CTNNA3: variants seen among roughly 807,000 people sequenced by gnomAD.
CTNNA3 encodes the protein catenin alpha-3.
Under a neutral mutation model 95.7 loss-of-function variants are expected in CTNNA3, and 76 were observed. The ratio of observed to expected loss-of-function variants is 0.79; its 90% CI spans 0.66 to 0.96. The LOEUF (loss-of-function observed/expected upper bound fraction) is 0.96. Among genes scored for constraint, CTNNA3 ranks in the 40% least tolerant of loss-of-function variants. CTNNA3 has a pLI of 0.00. For missense variants in CTNNA3, 1,191 were observed against 1,089.8 expected, an observed-to-expected ratio of 1.09 and a Z score of -1.31; for synonymous variants, 431 against 374.4, an observed-to-expected ratio of 1.15 and a Z score of -1.74.
At chr10:67,018,322 TTGATTCC>T (rs1260371835) in intron 7 of CTNNA3, among the ~76,000 whole-genome samples, 5 of 152,206 alleles carry the variant, frequency 3.3e-5, no homozygotes, top group African/African-American at 1.2e-4. Context: ...CATTTCTGAT[TTGATTCC>T]TGATTCCTGA....
At chr10:67,319,279 T>C (rs1332526968) in intron 5 of CTNNA3, among the ~76,000 whole-genome samples, 1 of 152,194 alleles carries the variant, frequency 6.6e-6, no homozygotes, top group Non-Finnish European at 1.5e-5. Context: ...CCCTTTTCTC[T>C]TTGTGGATCT....
At chr10:66,288,198 C>A (rs2091622507) in intron 12 of CTNNA3, among the ~76,000 whole-genome samples, 1 of 152,006 alleles carries the variant, frequency 6.6e-6, no homozygotes, top group South Asian at 2.1e-4. Context: ...TATCTTCACA[C>A]ACATTTTTAA....
chr10:67,482,950 G>A (rs1848295483), intron 5 of CTNNA3, among the ~76,000 whole-genome samples: 1 of 152,070 alleles, frequency 6.6e-6, no homozygotes, highest in Non-Finnish European at 1.5e-5. Flanking sequence ...TCAAAAAGTG[G>A]GCGAAGGATA....
At chr10:66,728,474 C>T (rs975888114) in intron 9 of CTNNA3, among the ~76,000 whole-genome samples, 3 of 152,150 alleles carry the variant, frequency 2.0e-5, no homozygotes, top group Admixed American at 2.0e-4. Flanking sequence ...AATGCAATTG[C>T]TTTGGGTGTT....
intron 11 of CTNNA3, among the ~76,000 whole-genome samples, chr10:66,380,229 A>G (rs1369398493): frequency 6.6e-6 from 1 of 151,722 alleles, no homozygotes; most frequent in Non-Finnish European, 1.5e-5. Flanking sequence ...CTGCTTGTGT[A>G]TATGTGCTGA....
rs550444522 is a variant in CTNNA3 at position 66,382,731 on chromosome 10, T to A, written c.1532-3379A>T. 5.9e-5 allele frequency among the ~76,000 whole-genome samples: 9 copies of A among 152,240 alleles called. No individual in the cohort carries two copies. The East Asian group carries it at 1.7e-3, about 30-fold the overall frequency. On this transcript the variant is annotated intron_variant, in intron 11 of 17. Coordinates refer to ENST00000433211, the MANE Select transcript of CTNNA3 (RefSeq NM_013266.4). The stretch of plus-strand genomic sequence containing the variant: ...GCGGCTGCCCCTCTGGGATGAAGCT[T>A]CCAGAGGAAGGATCAGGCAGCAATA...
intron 7 of CTNNA3, among the ~76,000 whole-genome samples, chr10:66,920,970 C>T (rs924829924): frequency 6.6e-6 from 1 of 152,214 alleles, no homozygotes; most frequent in South Asian, 2.1e-4. Context: ...ATGGTGGCCT[C>T]GTTACTGTGT....
chr10:67,675,847 TTTAA>T (rs746099906), intron 1 of CTNNA3, among the ~76,000 whole-genome samples: 2 of 152,182 alleles, frequency 1.3e-5, no homozygotes, highest in Admixed American at 6.6e-5. Context: ...TTTTCAGTCT[TTTAA>T]TTAATTAATT....
intron 7 of CTNNA3, chr10:67,098,961 A>G (rs1359053052): frequency 2.0e-5 from 3 of 151,910 alleles, no homozygotes. Context: ...GTTGTGCACT[A>G]CATCATTTCT....
chr10:66,243,243 A>G (rs11819570), intron 13 of CTNNA3, among the ~76,000 whole-genome samples: 57,049 of 152,048 alleles, frequency 0.38, 11,144 homozygotes, highest in East Asian at 0.46. Flanking sequence ...TTTCTTCGAT[A>G]TATCTTTAAA....
chr10:66,557,840 A>AT (rs541655596), intron 10 of CTNNA3, among the ~76,000 whole-genome samples: 1 of 151,966 alleles, frequency 6.6e-6, no homozygotes, highest in Admixed American at 6.6e-5. Context: ...GATTAAAAAT[A>AT]TTTTTTACAT....
chr10:67,009,134 T>C (rs933190411), intron 7 of CTNNA3, among the ~76,000 whole-genome samples: 1 of 152,158 alleles, frequency 6.6e-6, no homozygotes, highest in African/African-American at 2.4e-5. Flanking sequence ...TTAATATTTA[T>C]TAACCTTACC....
chr10:66,051,080 T>G (rs1161793537), intron 15 of CTNNA3, among the ~76,000 whole-genome samples: 1 of 152,132 alleles, frequency 6.6e-6, no homozygotes, highest in Non-Finnish European at 1.5e-5. Flanking sequence ...CTCTCTTTGT[T>G]GCCCAGACTG....
intron 1 of CTNNA3, among the ~76,000 whole-genome samples, chr10:67,725,404 C>T (rs1423117792): frequency 6.6e-6 from 1 of 152,066 alleles, no homozygotes; most frequent in Admixed American, 6.6e-5. Flanking sequence ...GTCTCGATCT[C>T]CTGACCTCGT....
At chr10:66,730,431 C>A (rs1848922785) in intron 9 of CTNNA3, among the ~76,000 whole-genome samples, 1 of 152,142 alleles carries the variant, frequency 6.6e-6, no homozygotes, top group Non-Finnish European at 1.5e-5. Flanking sequence ...TTGGAGGGAA[C>A]AACACACACT....
At chr10:67,258,369 C>T (rs1163732015) in intron 5 of CTNNA3, among the ~76,000 whole-genome samples, 2 of 152,134 alleles carry the variant, frequency 1.3e-5, no homozygotes, top group East Asian at 3.9e-4. Context: ...GTCTTGAATT[C>T]CTGACCTCAG....
At chr10:66,724,134 C>A (rs1848711474) in intron 9 of CTNNA3, among the ~76,000 whole-genome samples, 1 of 151,930 alleles carries the variant, frequency 6.6e-6, no homozygotes, top group African/African-American at 2.4e-5. Context: ...ATAATGGTAC[C>A]AAGCAGGAGA....
chr10:66,692,720 G>A (rs1240542314), intron 9 of CTNNA3, among the ~76,000 whole-genome samples: 2 of 152,036 alleles, frequency 1.3e-5, no homozygotes, highest in South Asian at 2.1e-4. Context: ...GAGAAAGGTC[G>A]GGTTACCCAC....
intron 1 of CTNNA3, among the ~76,000 whole-genome samples, chr10:67,739,414 T>A (rs1010689116): frequency 5.3e-5 from 8 of 152,182 alleles, no homozygotes; most frequent in African/African-American, 1.9e-4. Context: ...AACCCCATTG[T>A]CTCAGCCCAA....
Sources: gnomAD v4.1 joint callset for allele counts (sites outside exome capture counted in the v4.1 genomes callset) on GRCh38, gnomAD v4.1.1 for gene constraint, MANE v1.5 for transcripts, NCBI Gene and HGNC (gene_info 2026-07-23, HGNC 2026-07-21) for gene names.